TENM4: variants seen among roughly 807,000 people sequenced by gnomAD.
The protein encoded by TENM4 is teneurin-4.
Under a neutral mutation model 243.3 loss-of-function variants are expected in TENM4, and 82 were observed. That is an observed-to-expected ratio of 0.34 (90% confidence interval 0.28 to 0.40). The LOEUF is 0.40. TENM4 is among the 10% of genes least tolerant of loss of function. TENM4 has a pLI of 1.00. For missense variants in TENM4, 3,138 were observed against 3,673.3 expected, an observed-to-expected ratio of 0.85 and a Z score of 3.77; for synonymous variants, 1,412 against 1,456.3, an observed-to-expected ratio of 0.97 and a Z score of 0.69.
chr11:78,796,360 A>C (rs987020941), intron 15 of TENM4, among the ~76,000 whole-genome samples: 1 of 152,160 alleles, frequency 6.6e-6, no homozygotes, highest in Admixed American at 6.5e-5. Flanking sequence ...CGAGACTGGG[A>C]TGTGTATTTT....
chr11:79,359,176 G>A (rs1167303446), intron 1 of TENM4, among the ~76,000 whole-genome samples: 1 of 152,080 alleles, frequency 6.6e-6, no homozygotes, highest in Non-Finnish European at 1.5e-5. Context: ...TGAGGCAGGA[G>A]GATTCTTTGA....
chr11:79,208,502 A>C (rs1205152341), intron 3 of TENM4, among the ~76,000 whole-genome samples: 2 of 152,228 alleles, frequency 1.3e-5, no homozygotes, highest in African/African-American at 2.4e-5. Context: ...ACCATGCTAC[A>C]GATGGTAGTT....
At chr11:78,702,460 T>C in intron 27 of TENM4, 57 bp from the exon 28 acceptor site, 4 of 1,563,526 alleles carry the variant, frequency 2.6e-6, no homozygotes, top group Non-Finnish European at 3.5e-6. Context: ...CACTAATCCA[T>C]CCCATAGCCC....
At chr11:79,358,405 C>T (rs908889202) in intron 1 of TENM4, among the ~76,000 whole-genome samples, 10 of 152,236 alleles carry the variant, frequency 6.6e-5, no homozygotes, top group African/African-American at 9.6e-5. Context: ...CAGACAGGGA[C>T]GCTCAGGACC....
chr11:79,053,703 G>T (rs1369865578), intron 6 of TENM4, among the ~76,000 whole-genome samples: 2 of 152,160 alleles, frequency 1.3e-5, no homozygotes, highest in Non-Finnish European at 2.9e-5. Context: ...AGAGTTTTGG[G>T]AAGGTCTGGT....
At chr11:79,437,211 T>C (rs1300987467) in intron 1 of TENM4, among the ~76,000 whole-genome samples, 1 of 152,222 alleles carries the variant, frequency 6.6e-6, no homozygotes. Context: ...TTGTGCTATG[T>C]GTGACTTCGC....
chr11:78,790,891 A>C (rs1003496510), intron 15 of TENM4, among the ~76,000 whole-genome samples: 1 of 152,198 alleles, frequency 6.6e-6, no homozygotes, highest in African/African-American at 2.4e-5. Flanking sequence ...CCAGGCACTT[A>C]GTCTCACCCT....
chr11:78,658,822 G>C lies in TENM4; in HGVS notation c.7552-6C>G, dbSNP rs540240689. 4 of 1,604,276 alleles carry C rather than the reference G, an allele frequency of 2.5e-6. No homozygotes were observed. Among genetic ancestry groups the C allele is most frequent in the Admixed American group, 1.7e-5 (1 of 59,742 alleles). ...CACTGTACCCCGAGGATAGACTGAT[G>C]GGGGAGGAGAGTGAGAGAGAGAGTA... is the stretch of plus-strand genomic sequence containing the variant. On this transcript the variant is annotated splice_region_variant and splice_polypyrimidine_tract_variant and intron_variant, in intron 33 of 33. Coordinates refer to ENST00000278550, the MANE Select transcript of TENM4 (RefSeq NM_001098816.3).
chr11:79,029,422 C>G (rs774498541), intron 6 of TENM4, among the ~76,000 whole-genome samples: 6 of 152,194 alleles, frequency 3.9e-5, no homozygotes, highest in Non-Finnish European at 2.9e-5. Context: ...CTGCCACCTC[C>G]CCACCCTCAA....
chr11:79,347,534 AG>A (rs1286396387), intron 1 of TENM4, among the ~76,000 whole-genome samples: 1 of 152,134 alleles, frequency 6.6e-6, no homozygotes, highest in Non-Finnish European at 1.5e-5. Flanking sequence ...GTGCCTCCCC[AG>A]GGAGGACCTC....
intron 4 of TENM4, among the ~76,000 whole-genome samples, chr11:79,113,395 G>GTGTGTGTGTGTGTGTGTGTGTGTGT (rs1861548759): frequency 6.8e-6 from 1 of 146,946 alleles, no homozygotes; most frequent in Admixed American, 6.8e-5. Flanking sequence ...TTGGATTGGT[G>GTGTGTGTGTGTGTGTGTGTGTGTGT]TGTGTGTGTG....
At chr11:78,828,889 T>C (rs1565396695) in intron 12 of TENM4, among the ~76,000 whole-genome samples, 1 of 152,258 alleles carries the variant, frequency 6.6e-6, no homozygotes, top group Non-Finnish European at 1.5e-5. Flanking sequence ...GAAGTTATAA[T>C]ACAAATGTTA....
intron 6 of TENM4, among the ~76,000 whole-genome samples, chr11:79,014,255 G>A (rs1591208182): frequency 6.6e-6 from 1 of 152,144 alleles, no homozygotes; most frequent in African/African-American, 2.4e-5. Flanking sequence ...TGAGCCAAGA[G>A]AACCTTAGGA....
At chr11:79,239,738 T>C (rs974782851) in intron 2 of TENM4, among the ~76,000 whole-genome samples, 1 of 152,126 alleles carries the variant, frequency 6.6e-6, no homozygotes, top group Admixed American at 6.5e-5. Context: ...CTCTGCGGAG[T>C]GTTCTACATG....
At chr11:79,218,234 A>ACCGCCCCCCC (rs147909182) in intron 2 of TENM4, among the ~76,000 whole-genome samples, 1 of 96,462 alleles carries the variant, frequency 1.0e-5, no homozygotes, top group Non-Finnish European at 1.9e-5. Context: ...CCCCCTGCCC[A>ACCGCCCCCCC]CCCACCCCCG....
intron 7 of TENM4, among the ~76,000 whole-genome samples, chr11:78,902,805 G>A (rs973761203): frequency 7.9e-5 from 12 of 152,172 alleles, no homozygotes; most frequent in Non-Finnish European, 7.4e-5. Flanking sequence ...CCGACGCCAG[G>A]CCAGGCAGGT....
At chr11:78,863,861 T>C (rs1298237408) in intron 9 of TENM4, among the ~76,000 whole-genome samples, 2 of 152,252 alleles carry the variant, frequency 1.3e-5, no homozygotes, top group African/African-American at 2.4e-5. Flanking sequence ...GATATACTTA[T>C]ACATGTACTA....
chr11:79,138,311 T>TTATATATATATATA (rs1324975719), intron 4 of TENM4, among the ~76,000 whole-genome samples: 1 of 96,178 alleles, frequency 1.0e-5, no homozygotes, highest in African/African-American at 4.2e-5. Context: ...AAACTCCCCT[T>TTATATATATATATA]TATATATATA....
chr11:78,778,575 A>C (rs1856782975), intron 17 of TENM4, 27 bp downstream of exon 17: 3 of 1,608,508 alleles, frequency 1.9e-6, no homozygotes, highest in East Asian at 2.2e-5. Flanking sequence ...CAAAGACAAC[A>C]GGAAAATAGA....
Sources: gnomAD v4.1 joint callset for allele counts (sites outside exome capture counted in the v4.1 genomes callset) on GRCh38, gnomAD v4.1.1 for gene constraint, MANE v1.5 for transcripts, NCBI Gene and HGNC (gene_info 2026-07-23, HGNC 2026-07-21) for gene names.